ITPR1: variants seen among roughly 807,000 people sequenced by gnomAD.
The protein encoded by ITPR1 is inositol 1,4,5-trisphosphate-gated calcium channel ITPR1.
ITPR1 carries 96 observed loss-of-function variants against 318.4 expected under a neutral mutation model. The observed-to-expected ratio is 0.30, with a 90% CI of 0.26 to 0.36. ITPR1 has a LOEUF of 0.36. Among genes scored for constraint, ITPR1 ranks in the 10% least tolerant of loss-of-function variants. The pLI is 1.00. For synonymous variants in ITPR1, 1,312 were observed against 1,289.9 expected (o/e 1.02, Z -0.37); for missense variants, 2,440 against 3,460.2 (o/e 0.71, Z 7.40).
At chr3:4,596,226 A>T (rs367913837) in intron 4 of ITPR1, 43 of 152,344 alleles carry the variant, frequency 2.8e-4, no homozygotes, top group East Asian at 2.5e-3. Context: ...CCAAGAATTA[A>T]GCAAAAGTTC....
intron 60 of ITPR1, among the ~76,000 whole-genome samples, chr3:4,821,953 T>A (rs1021863372): frequency 2.0e-5 from 3 of 152,242 alleles, no homozygotes; most frequent in African/African-American, 7.2e-5. Flanking sequence ...CTCCTTTCAC[T>A]GGAGATGGGA....
chr3:4,653,653 A>T (rs1344149091), intron 11 of ITPR1, among the ~76,000 whole-genome samples, 189 bp from the exon 12 acceptor site: 1 of 152,102 alleles, frequency 6.6e-6, no homozygotes, highest in Non-Finnish European at 1.5e-5. Context: ...TGACTGGTGG[A>T]TGTTCCATGT....
intron 46 of ITPR1, among the ~76,000 whole-genome samples, chr3:4,768,973 G>A (rs1286213684): frequency 5.3e-5 from 8 of 151,040 alleles, no homozygotes; most frequent in Non-Finnish European, 1.2e-4. Context: ...ACAGTGGCGT[G>A]ATCTTGGCTT....
chr3:4,573,754 A>T (rs2088290237), intron 4 of ITPR1, among the ~76,000 whole-genome samples: 1 of 152,186 alleles, frequency 6.6e-6, no homozygotes, highest in East Asian at 1.9e-4. Context: ...AGGCCTTTCC[A>T]AACAGCCTTC....
chr3:4,534,475 G>A lies in ITPR1; in HGVS notation c.163+13381G>A, dbSNP rs1250210396. Among the ~76,000 whole-genome samples, 3 of 152,136 alleles carry A rather than the reference G, an allele frequency of 2.0e-5. No individual in the cohort carries two copies. The East Asian group carries it at 5.8e-4, about 29-fold the overall frequency. On this transcript the variant is annotated intron_variant, in intron 4 of 61. Transcript: ENST00000649015. ...ATTTGGGAGAGATAAGTGGAGAGGG[G>A]CTATAGGTGTGAAGAAAAGAATACA...
intron 42 of ITPR1, among the ~76,000 whole-genome samples, chr3:4,728,370 A>G (rs1276195409): frequency 6.6e-6 from 1 of 152,214 alleles, no homozygotes; most frequent in Admixed American, 6.5e-5. Flanking sequence ...CATCTTGTCT[A>G]AGGTCATGGA....
chr3:4,668,494 G>A (rs2094000057), intron 18 of ITPR1, among the ~76,000 whole-genome samples: 1 of 151,062 alleles, frequency 6.6e-6, no homozygotes, highest in Admixed American at 6.6e-5. Context: ...TTAAGATGGA[G>A]TCTCGCTCTG....
In ITPR1 at chr3:4,796,110, A is replaced by G. The variant is rs2047880912; in HGVS notation, c.6931+923A>G. Reference sequence around the variant, plus strand: ...CTTTAGCTTAATCATGCAGACATCAACGGAAGCAGACATGTATGGGTAATG... The same window carrying G: ...CTTTAGCTTAATCATGCAGACATCAGCGGAAGCAGACATGTATGGGTAATG... On this transcript the variant is annotated intron_variant, in intron 53 of 61. Coordinates refer to ENST00000649015, the MANE Select transcript of ITPR1 (RefSeq NM_001378452.1). Among the ~76,000 whole-genome samples the G allele has an allele frequency of 2.0e-5, 3 of 152,206 alleles. No homozygotes were observed. In the South Asian group the frequency reaches 6.2e-4, roughly 32 times the overall value.
chr3:4,814,240 G>A lies in ITPR1; in HGVS notation c.7562-183G>A, dbSNP rs1268890788. On this transcript the variant is annotated intron_variant, in intron 57 of 61. Coordinates refer to ENST00000649015, the MANE Select transcript of ITPR1 (RefSeq NM_001378452.1). ...GGAGAAATTAGCGGGGGTTAGCGAT[G>A]AAAACAGTTGCCCCAGACGACTTTA... 3 of 654,742 alleles carry A rather than the reference G, an allele frequency of 4.6e-6. No individual in the cohort carries two copies. The African/African-American group carries it at 5.4e-5, about 12-fold the overall frequency. The allele number at this position is 654,742 out of a possible 1,614,324, so 40.6% of individuals were successfully genotyped here. A position where few individuals can be genotyped will look rare whatever the true frequency, so the allele number is the denominator to read the frequency against.
chr3:4,778,691 C>T (rs1461772584), intron 48 of ITPR1, among the ~76,000 whole-genome samples: 1 of 152,148 alleles, frequency 6.6e-6, no homozygotes, highest in Non-Finnish European at 1.5e-5. Context: ...TTCATGTGCT[C>T]CTGGTCAGCA....
chr3:4,612,373 C>T (rs768747762), intron 4 of ITPR1, among the ~76,000 whole-genome samples: 1 of 152,140 alleles, frequency 6.6e-6, no homozygotes, highest in South Asian at 2.1e-4. Flanking sequence ...CTATATCAGG[C>T]ACTTTTGAGC....
intron 4 of ITPR1, among the ~76,000 whole-genome samples, chr3:4,618,560 A>G (rs1270292103): frequency 6.6e-6 from 1 of 152,202 alleles, no homozygotes; most frequent in African/African-American, 2.4e-5. Context: ...TGGAATTTTC[A>G]TATGCAACCT....
At chr3:4,806,008 G>A in intron 54 of ITPR1, 95 bp from the exon 55 acceptor site, 1 of 1,096,526 alleles carries the variant, frequency 9.1e-7, no homozygotes, top group Non-Finnish European at 1.3e-6. Flanking sequence ...TTTGGGCACG[G>A]TGACTGAAAT....
intron 42 of ITPR1, among the ~76,000 whole-genome samples, chr3:4,730,398 TGTGTGTGTGTGTGTGTGTGTG>T (rs1559788437): frequency 1.7e-4 from 25 of 146,104 alleles, no homozygotes; most frequent in Middle Eastern, 3.4e-3. Context: ...TGTGTGTGTG[TGTGTGTGTGTGTGTGTGTGTG>T]TTTCCCCCAG....
At chr3:4,807,584 C>T (rs943807924) in intron 55 of ITPR1, among the ~76,000 whole-genome samples, 7 of 152,140 alleles carry the variant, frequency 4.6e-5, no homozygotes, top group African/African-American at 9.7e-5. Flanking sequence ...TATATTCCTT[C>T]CCCCGTCCAA....
chr3:4,562,955 G>T (rs2086831537), intron 4 of ITPR1, among the ~76,000 whole-genome samples: 1 of 150,906 alleles, frequency 6.6e-6, no homozygotes, highest in African/African-American at 2.4e-5. Flanking sequence ...ATGACTGGGG[G>T]TGGGATGGGT....
intron 44 of ITPR1, among the ~76,000 whole-genome samples, chr3:4,741,156 C>T (rs940233438): frequency 8.5e-5 from 13 of 152,086 alleles, no homozygotes; most frequent in Admixed American, 8.5e-4. Flanking sequence ...AGGGGCTGTC[C>T]TTACCTGGAA....
Position 4,663,071 on chromosome 3 carries a change from A to G in ITPR1, c.1419A>G (p.Val473=). Residue 473 remains valine, a synonymous_variant, in exon 16 of 62, where the codon GTA becomes GTG. Transcript: ENST00000649015. ...TAGCGTCTTTCCTCCTAAGGTCTGT[A>G]ACCAAGCTGCTAGAAGATTTGGTTT... ...GTITQNERRS[V]TKLLEDLVYF... 6.2e-7 allele frequency: 1 copy of G among 1,613,664 alleles called. No homozygotes were observed. The highest frequency in any genetic ancestry group is 1.1e-5 in the South Asian group (1 of 91,064).
chr3:4,560,382 T>C (rs567300756), intron 4 of ITPR1, among the ~76,000 whole-genome samples: 1 of 152,360 alleles, frequency 6.6e-6, no homozygotes, highest in African/African-American at 2.4e-5. Context: ...ATTTTATTGA[T>C]GGTATACACA....
Sources: allele counts gnomAD v4.1 joint callset (sites outside exome capture counted in the v4.1 genomes callset), GRCh38; gene constraint gnomAD v4.1.1; transcripts MANE v1.5; gene names NCBI Gene and HGNC (gene_info 2026-07-23, HGNC 2026-07-21).